Variants in FGF10 observed in about 807,000 individuals in gnomAD.
The protein encoded by FGF10 is FGF-10.
Under a neutral mutation model 19.8 loss-of-function variants are expected in FGF10, and 2 were observed. The ratio of observed to expected loss-of-function variants is 0.10; its 90% CI spans 0.04 to 0.32. The LOEUF is 0.32. FGF10 is among the 10% of genes least tolerant of loss of function. The pLI, the probability that FGF10 is intolerant of heterozygous loss-of-function variation, is 1.00. For missense variants in FGF10, 191 were observed against 246.3 expected, an observed-to-expected ratio of 0.78 and a Z score of 1.50; for synonymous variants, 112 against 94.0, an observed-to-expected ratio of 1.19 and a Z score of -1.10.
chr5:44,369,421 C>T (rs373775998), intron 1 of FGF10, among the ~76,000 whole-genome samples: 3 of 152,038 alleles, frequency 2.0e-5, no homozygotes, highest in Admixed American at 1.3e-4. Context: ...GCTAGGTTCC[C>T]GCCAACACTC....
intron 1 of FGF10, among the ~76,000 whole-genome samples, chr5:44,348,676 T>A (rs199831527): frequency 0.12 from 18,205 of 151,442 alleles, 2,681 homozygotes; most frequent in African/African-American, 0.34. Flanking sequence ...AACGAATGGC[T>A]TTTTATTTTA....
chr5:44,349,451 T>TATATCAGAATATATATATATATCAGA (rs1554038148), intron 1 of FGF10, among the ~76,000 whole-genome samples: 2 of 16,706 alleles, frequency 1.2e-4, no homozygotes, highest in South Asian at 2.1e-3. Context: ...TATATATATA[T>TATATCAGAATATATATATATATCAGA]ATATATATAT....
At position 44,302,075 on chromosome 5, in the gene FGF10, A is replaced by AT. The variant is rs1042558892; in HGVS notation, c.*2919dup. Among the ~76,000 whole-genome samples the AT allele has an allele frequency of 3.5e-3, 511 of 146,734 alleles. 2 individuals carry two copies. The highest frequency in any genetic ancestry group is 0.017 in the East Asian group (87 of 5,036). The stretch of plus-strand genomic sequence containing the variant: ...AGAGGCAGATCTCTCAATAGCTCCA[A>AT]TTTTTTTTTTTTTCAAATCTACAAC... On this transcript the variant is annotated 3_prime_UTR_variant, in exon 3 of 3. Coordinates refer to ENST00000264664, the MANE Select transcript of FGF10 (RefSeq NM_004465.2).
Position 44,383,848 on chromosome 5 carries a change from G to GTT in FGF10, c.325+4508_325+4509dup, listed in dbSNP as rs1332800990. Among the ~76,000 whole-genome samples the GTT allele has an allele frequency of 2.6e-5, 4 of 151,980 alleles. No individual in the cohort carries two copies. In the East Asian group the frequency reaches 5.8e-4, roughly 22 times the overall value. Reference sequence around the variant, plus strand: ...AAGATACCAGTGGAAGCCATAAATTGTTTTTCTTCACAGAAAACTCTTGTG... The same window carrying GTT: ...AAGATACCAGTGGAAGCCATAAATTGTTTTTTTCTTCACAGAAAACTCTTGTG... On this transcript the variant is annotated intron_variant, in intron 1 of 2. Transcript: ENST00000264664.
intron 1 of FGF10, among the ~76,000 whole-genome samples, chr5:44,321,575 A>G (rs1234499163): frequency 6.6e-6 from 1 of 152,208 alleles, no homozygotes; most frequent in Non-Finnish European, 1.5e-5. Flanking sequence ...CGGGTCAAAG[A>G]GGTCGCTTCT....
intron 1 of FGF10, among the ~76,000 whole-genome samples, chr5:44,387,653 A>C (rs1001379069): frequency 6.6e-6 from 1 of 152,198 alleles, no homozygotes; most frequent in African/African-American, 2.4e-5. Context: ...TGTTACCAAG[A>C]GGGAAGGCAG....
At chr5:44,368,439 G>C (rs1424372113) in intron 1 of FGF10, among the ~76,000 whole-genome samples, 3 of 152,020 alleles carry the variant, frequency 2.0e-5, no homozygotes, top group African/African-American at 7.2e-5. Flanking sequence ...CCTCCATGAA[G>C]TCTTTTGGGA....
chr5:44,331,951 G>A (rs1322981768), intron 1 of FGF10, among the ~76,000 whole-genome samples: 1 of 151,816 alleles, frequency 6.6e-6, no homozygotes, highest in Non-Finnish European at 1.5e-5. Context: ...TGTTCTGATG[G>A]CAGTGCAGCA....
Position 44,300,288 on chromosome 5 carries a change from T to C in FGF10, c.*4707A>G, listed in dbSNP as rs555732912. Among the ~76,000 whole-genome samples, 12 of 152,206 alleles carry C rather than the reference T, an allele frequency of 7.9e-5. No homozygotes were observed. The East Asian group carries it at 2.1e-3, about 27-fold the overall frequency. On this transcript the variant is annotated 3_prime_UTR_variant, in exon 3 of 3. Coordinates refer to ENST00000264664, the MANE Select transcript of FGF10 (RefSeq NM_004465.2). ...TTTTATTTTACACTTAAACAATGAATGACATCAGGGTTTCAGATTTTTTCT... is the reference window on the plus strand; with the variant it reads ...TTTTATTTTACACTTAAACAATGAACGACATCAGGGTTTCAGATTTTTTCT...
At chr5:44,353,495 T>C (rs1054293288) in intron 1 of FGF10, among the ~76,000 whole-genome samples, 1 of 151,588 alleles carries the variant, frequency 6.6e-6, no homozygotes, top group Non-Finnish European at 1.5e-5. Context: ...ATTAGTTTTG[T>C]TTTGTGTTTG....
chr5:44,353,813 C>A (rs1285826571), intron 1 of FGF10, among the ~76,000 whole-genome samples: 1 of 151,248 alleles, frequency 6.6e-6, no homozygotes. Flanking sequence ...GGGGCGGGGG[C>A]TCTTCTTTTC....
chr5:44,349,451 T>TATATATATATATATATATATATCAGA (rs1741178685), intron 1 of FGF10, among the ~76,000 whole-genome samples: 32 of 16,686 alleles, frequency 1.9e-3, no homozygotes, highest in South Asian at 6.2e-3. Context: ...TATATATATA[T>TATATATATATATATATATATATCAGA]ATATATATAT....
chr5:44,348,986 C>T (rs987789389), intron 1 of FGF10, among the ~76,000 whole-genome samples: 2 of 151,490 alleles, frequency 1.3e-5, no homozygotes, highest in African/African-American at 4.8e-5. Flanking sequence ...ACCAGGGTTT[C>T]TCTTCTTTAA....
chr5:44,366,127 C>CTTTTTT (rs35522683), intron 1 of FGF10, among the ~76,000 whole-genome samples: 10 of 74,816 alleles, frequency 1.3e-4, no homozygotes, highest in Admixed American at 4.7e-4. Context: ...CAATTATTTC[C>CTTTTTT]TTTTTTTTTT....
intron 1 of FGF10, among the ~76,000 whole-genome samples, chr5:44,326,004 T>C (rs2111742745): frequency 6.6e-6 from 1 of 152,316 alleles, no homozygotes; most frequent in Non-Finnish European, 1.5e-5. Flanking sequence ...TATGAATAGA[T>C]ACACATCTAT....
In FGF10 at chr5:44,388,935, C is replaced by A. The variant is rs1742176135; in HGVS notation, c.-253G>T. On this transcript the variant is annotated 5_prime_UTR_variant, in exon 1 of 3. Coordinates refer to ENST00000264664, the MANE Select transcript of FGF10 (RefSeq NM_004465.2). The stretch of plus-strand genomic sequence containing the variant: ...CCCGGTAAATGGTGGACGTGGGTGG[C>A]CGCAGCAGCAGGAGCTGGTGGTGGC... 6.9e-6 allele frequency: 4 copies of A among 576,598 alleles called. No individual in the cohort carries two copies. In the South Asian group the frequency reaches 7.9e-5, roughly 11 times the overall value. 35.7% of individuals were successfully genotyped at this position (576,598 alleles called of 1,614,324 possible).
intron 1 of FGF10, among the ~76,000 whole-genome samples, chr5:44,332,057 T>C (rs1227242654): frequency 6.6e-6 from 1 of 152,146 alleles, no homozygotes; most frequent in African/African-American, 2.4e-5. Context: ...ACCCAATAGA[T>C]GTGTAAAGCA....
chr5:44,359,160 G>A (rs1398720779), intron 1 of FGF10, among the ~76,000 whole-genome samples: 2 of 151,464 alleles, frequency 1.3e-5, no homozygotes. Context: ...CACCATCTAA[G>A]CACCTTTGGA....
At position 44,303,063 on chromosome 5, in the gene FGF10, A is replaced by G. The variant is rs1338001144; in HGVS notation, c.*1932T>C. On this transcript the variant is annotated 3_prime_UTR_variant, in exon 3 of 3. Transcript: ENST00000264664. ...TTAACATCCAGATTCCAACCACAAA[A>G]ATTAAACATTTTTATAATCTCATTT... 6.6e-6 allele frequency among the ~76,000 whole-genome samples: 1 copy of G among 152,204 alleles called. No individual in the cohort carries two copies. The highest frequency in any genetic ancestry group is 2.4e-5 in the African/African-American group (1 of 41,460).
Sources: allele counts gnomAD v4.1 joint callset (sites outside exome capture counted in the v4.1 genomes callset), GRCh38; gene constraint gnomAD v4.1.1; transcripts MANE v1.5; gene names NCBI Gene and HGNC (gene_info 2026-07-23, HGNC 2026-07-21).